TEK: variants seen among roughly 807,000 people sequenced by gnomAD.
The protein encoded by TEK is angiopoietin-1 receptor.
A neutral mutation model predicts 131.8 loss-of-function variants in TEK; 43 were observed. The observed-to-expected ratio is 0.33, with a 90% confidence interval of 0.26 to 0.42. TEK has a LOEUF of 0.42. Among genes scored for constraint, TEK ranks in the 10% least tolerant of loss-of-function variants. The pLI is 1.00. For missense variants in TEK, 1,162 were observed against 1,384.4 expected, an observed-to-expected ratio of 0.84 and a Z score of 2.55; for synonymous variants, 580 against 491.6, an observed-to-expected ratio of 1.18 and a Z score of -2.38.
intron 12 of TEK, among the ~76,000 whole-genome samples, chr9:27,201,148 T>G (rs902566689): frequency 1.3e-5 from 2 of 152,210 alleles, no homozygotes; most frequent in Non-Finnish European, 2.9e-5. Flanking sequence ...CCAGAGAACC[T>G]GCTAAAATGT....
At chr9:27,213,461 C>G (rs190500397) in intron 17 of TEK, 23 bp from the exon 18 acceptor site, 9 of 1,575,714 alleles carry the variant, frequency 5.7e-6, no homozygotes, top group Non-Finnish European at 7.9e-6. Flanking sequence ...GCTGAAAATA[C>G]ATAATGTTTT....
intron 1 of TEK, among the ~76,000 whole-genome samples, chr9:27,115,408 A>G (rs1408668978): frequency 6.6e-6 from 1 of 151,996 alleles, no homozygotes; most frequent in Non-Finnish European, 1.5e-5. Flanking sequence ...CTGAAGTGGG[A>G]GGATTGCTGG....
At chr9:27,137,267 T>C (rs1425625081) in intron 1 of TEK, among the ~76,000 whole-genome samples, 1 of 152,190 alleles carries the variant, frequency 6.6e-6, no homozygotes, top group East Asian at 1.9e-4. Flanking sequence ...ATGTACCCTA[T>C]GCATTTCACA....
chr9:27,224,770 G>C (rs1826241757), intron 21 of TEK, among the ~76,000 whole-genome samples: 1 of 152,144 alleles, frequency 6.6e-6, no homozygotes, highest in African/African-American at 2.4e-5. Context: ...AGTCAGGCAA[G>C]AGAAAGAAAG....
At chr9:27,148,805 G>T (rs966055577) in intron 1 of TEK, among the ~76,000 whole-genome samples, 1 of 152,092 alleles carries the variant, frequency 6.6e-6, no homozygotes, top group African/African-American at 2.4e-5. Context: ...TTCTTTATAT[G>T]TTATACATAT....
chr9:27,109,441 T>C lies in TEK; in HGVS notation c.-150T>C. On this transcript the variant is annotated 5_prime_UTR_variant, in exon 1 of 23. Coordinates refer to ENST00000380036, the MANE Select transcript of TEK (RefSeq NM_000459.5). The stretch of plus-strand genomic sequence containing the variant: ...AGACAGAAATGAGACTGTTACAGCC[T>C]GCTTCTGTGCTGTTCCTTCTTGCCT... 2 of 793,604 alleles carry C rather than the reference T, an allele frequency of 2.5e-6. No individual in the cohort carries two copies. Among genetic ancestry groups the C allele is most frequent in the South Asian group, 1.4e-5 (1 of 68,996 alleles). The allele number at this position is 793,604 out of a possible 1,614,324, so 49.2% of individuals were successfully genotyped here.
intron 18 of TEK, among the ~76,000 whole-genome samples, chr9:27,217,112 C>G (rs920536162): frequency 1.3e-5 from 2 of 152,198 alleles, no homozygotes; most frequent in African/African-American, 4.8e-5. Context: ...CCAAACCCAA[C>G]ATAAACTACA....
intron 21 of TEK, among the ~76,000 whole-genome samples, chr9:27,223,785 G>A (rs1826187779): frequency 6.6e-6 from 1 of 152,126 alleles, no homozygotes; most frequent in Non-Finnish European, 1.5e-5. Context: ...CATTGAAGGA[G>A]ACAGGGACAT....
At chr9:27,213,279 G>A (rs1297343071) in intron 17 of TEK, among the ~76,000 whole-genome samples, 5 of 152,040 alleles carry the variant, frequency 3.3e-5, no homozygotes, top group East Asian at 1.9e-4. Context: ...TTATTTGTTC[G>A]TTTTCTGAAA....
chr9:27,117,747 T>A (rs1257214975), intron 1 of TEK, among the ~76,000 whole-genome samples: 1 of 152,228 alleles, frequency 6.6e-6, no homozygotes, highest in African/African-American at 2.4e-5. Context: ...AAGGGCATCG[T>A]GGGCGGCTGT....
chr9:27,109,544 G>T lies in TEK; in HGVS notation c.-47G>T. The T allele has an allele frequency of 1.2e-6, 2 of 1,603,750 alleles. No homozygotes were observed. The highest frequency in any genetic ancestry group is 1.7e-6 in the Non-Finnish European group (2 of 1,170,562). ...GCTGGGTTTTTGAAAGGATCCTTGG[G>T]ACCTCATGCACATTTGTGGAAACTG... On this transcript the variant is annotated 5_prime_UTR_variant, in exon 1 of 23. Coordinates refer to ENST00000380036, the MANE Select transcript of TEK (RefSeq NM_000459.5).
At chr9:27,143,784 G>T (rs1257134142) in intron 1 of TEK, among the ~76,000 whole-genome samples, 1 of 152,142 alleles carries the variant, frequency 6.6e-6, no homozygotes, top group Admixed American at 6.5e-5. Flanking sequence ...TAGGATCATG[G>T]CCTGTCATAC....
chr9:27,221,211 G>A (rs554849713), intron 21 of TEK, among the ~76,000 whole-genome samples: 6 of 152,320 alleles, frequency 3.9e-5, no homozygotes, highest in Admixed American at 2.6e-4. Flanking sequence ...TAGCCAGACT[G>A]CCTCTCTAGA....
At chr9:27,149,295 TTC>T (rs111854762) in intron 1 of TEK, among the ~76,000 whole-genome samples, 1,725 of 152,308 alleles carry the variant, frequency 0.011, 43 homozygotes, top group African/African-American at 0.039. Context: ...AATTGTATCT[TTC>T]TACTTATGTG....
At chr9:27,208,288 A>G (rs1450118158) in intron 15 of TEK, among the ~76,000 whole-genome samples, 1 of 152,096 alleles carries the variant, frequency 6.6e-6, no homozygotes, top group Non-Finnish European at 1.5e-5. Flanking sequence ...GTTTCTAAGC[A>G]TGAGCAGCCA....
At chr9:27,145,460 C>T (rs73643154) in intron 1 of TEK, among the ~76,000 whole-genome samples, 5,396 of 152,224 alleles carry the variant, frequency 0.035, 314 homozygotes, top group African/African-American at 0.12. Context: ...CTGGGGATGA[C>T]ACAGGCCATA....
chr9:27,205,167 A>C lies in TEK; in HGVS notation c.2364+102A>C. On this transcript the variant is annotated intron_variant, in intron 14 of 22. Coordinates refer to ENST00000380036, the MANE Select transcript of TEK (RefSeq NM_000459.5). ...CAGGAAATTTACTTATAAAGTAAAT[A>C]TTTCCCTTAGGCAAGCCTCATCTTC... 2.1e-6 allele frequency: 3 copies of C among 1,432,508 alleles called. No homozygotes were observed. The Admixed American group carries it at 5.6e-5, about 27-fold the overall frequency. 88.7% of individuals were successfully genotyped at this position (1,432,508 alleles called of 1,614,324 possible).
chr9:27,167,216 A>G (rs938151479), intron 2 of TEK, among the ~76,000 whole-genome samples: 5 of 151,588 alleles, frequency 3.3e-5, no homozygotes, highest in African/African-American at 1.2e-4. Context: ...ATTTTCAATC[A>G]ATTGGCTTAT....
Position 27,218,779 on chromosome 9 carries a change from G to A in TEK, c.3065G>A (p.Trp1022Ter). Residue 1022 changes from tryptophan (W) to a stop codon, truncating the protein, a stop_gained and splice_region_variant, in exon 20 of 23, where the codon TGG becomes TAG. Coordinates refer to ENST00000380036, the MANE Select transcript of TEK (RefSeq NM_000459.5). LOFTEE classifies it high-confidence loss of function. ...TTTCACACTTGTCCCTCCTGCAGAT[G>A]GTCCTATGGTGTGTTACTATGGGAG... ...YSVYTTNSDVWSYGVLLWEIV... is the reference protein window; with the variant it reads ...YSVYTTNSDV The A allele has an allele frequency of 1.2e-6, 2 of 1,613,970 alleles. No individual in the cohort carries two copies. Among genetic ancestry groups the A allele is most frequent in the Non-Finnish European group, 8.5e-7 (1 of 1,179,942 alleles).
Sources: allele counts gnomAD v4.1 joint callset (sites outside exome capture counted in the v4.1 genomes callset), GRCh38; gene constraint gnomAD v4.1.1; transcripts MANE v1.5; gene names NCBI Gene and HGNC (gene_info 2026-07-23, HGNC 2026-07-21).